EPB41L3: variants seen among roughly 807,000 people sequenced by gnomAD.
EPB41L3 encodes erythrocyte membrane protein band 4.1 like 3, also known as band 4.1-like protein 3.
In EPB41L3, 57 loss-of-function variants were observed where a neutral mutation model predicts 127.1. The observed-to-expected ratio is 0.45, with a 90% confidence interval of 0.36 to 0.56. EPB41L3 has a LOEUF of 0.56. Ranked by LOEUF, EPB41L3 falls within the 20% of genes least tolerant of loss-of-function variation. The pLI is 0.00. For synonymous variants in EPB41L3, 572 were observed against 549.5 expected, an observed-to-expected ratio of 1.04 and a Z score of -0.57; for missense variants, 1,273 against 1,372.2, an observed-to-expected ratio of 0.93 and a Z score of 1.14.
intron 3 of EPB41L3, among the ~76,000 whole-genome samples, chr18:5,604,993 A>C (rs1196416862): frequency 6.6e-6 from 1 of 152,110 alleles, no homozygotes; most frequent in African/African-American, 2.4e-5. Context: ...GCTGTCAACC[A>C]TCTGTGGGGA....
upstream of EPB41L3, among the ~76,000 whole-genome samples, chr18:5,546,061 G>T (rs976515528): frequency 3.9e-5 from 6 of 152,002 alleles, no homozygotes; most frequent in Non-Finnish European, 5.9e-5. Context: ...GACACAGATG[G>T]CTCCATATTT....
At chr18:5,421,949 G>T (rs569471146) in intron 11 of EPB41L3, among the ~76,000 whole-genome samples, 2 of 152,010 alleles carry the variant, frequency 1.3e-5, no homozygotes, top group South Asian at 4.2e-4. Context: ...GCCAAAAACC[G>T]ACTGCTTGTA....
intron 3 of EPB41L3, among the ~76,000 whole-genome samples, chr18:5,579,043 G>C (rs893070826): frequency 1.3e-5 from 2 of 152,092 alleles, no homozygotes; most frequent in African/African-American, 4.8e-5. Flanking sequence ...ATAAACTGCA[G>C]TATGTTTTAC....
At chr18:5,513,561 GTCTA>G (rs1288199114) in intron 1 of EPB41L3, among the ~76,000 whole-genome samples, 1 of 152,144 alleles carries the variant, frequency 6.6e-6, no homozygotes, top group Non-Finnish European at 1.5e-5. Context: ...GAGGGTAAGA[GTCTA>G]TCTCCTACAG....
intron 3 of EPB41L3, among the ~76,000 whole-genome samples, chr18:5,475,195 T>C (rs1031608526): frequency 1.3e-5 from 2 of 152,200 alleles, no homozygotes; most frequent in Non-Finnish European, 2.9e-5. Flanking sequence ...TCAAAGTCCA[T>C]TGTTCGTATT....
intron 3 of EPB41L3, among the ~76,000 whole-genome samples, chr18:5,602,619 T>C (rs951477662): frequency 1.3e-5 from 2 of 152,196 alleles, no homozygotes; most frequent in Non-Finnish European, 2.9e-5. Flanking sequence ...TAACTTTTTC[T>C]TTCCCCTGTA....
At chr18:5,399,300 A>G (rs775909733) in intron 16 of EPB41L3, 2 of 398,960 alleles carry the variant, frequency 5.0e-6, no homozygotes, top group Non-Finnish European at 8.8e-6. Context: ...GCTCACGGTC[A>G]CCACCTTGTA....
At chr18:5,449,008 T>G (rs1173962167) in intron 3 of EPB41L3, among the ~76,000 whole-genome samples, 1 of 152,178 alleles carries the variant, frequency 6.6e-6, no homozygotes, top group Non-Finnish European at 1.5e-5. Flanking sequence ...TTGTTAGGTG[T>G]TAGGAGATGT....
rs1233637096 is a variant in EPB41L3, at chr18:5,511,075, T to C, written c.-11-21881A>G. On this transcript the variant is annotated intron_variant, in intron 1 of 22. Transcript: ENST00000341928. Reference sequence around the variant, plus strand: ...TATTCCAGAAACTCTGGAATACCTGTTATGCAGTGAAAGAGCAAAGAACAA... The same window carrying C: ...TATTCCAGAAACTCTGGAATACCTGCTATGCAGTGAAAGAGCAAAGAACAA... Among the ~76,000 whole-genome samples the C allele has an allele frequency of 3.3e-5, 5 of 152,152 alleles. No homozygotes were observed. The East Asian group carries it at 9.7e-4, about 29-fold the overall frequency.
chr18:5,495,388 T>A (rs2091053169), intron 1 of EPB41L3, among the ~76,000 whole-genome samples: 1 of 142,822 alleles, frequency 7.0e-6, no homozygotes, highest in Non-Finnish European at 1.5e-5. Context: ...TACAAATCAG[T>A]ATTGGAAACT....
intron 3 of EPB41L3, among the ~76,000 whole-genome samples, chr18:5,553,021 T>G (rs1353002089): frequency 1.3e-5 from 2 of 152,152 alleles, no homozygotes; most frequent in African/African-American, 4.8e-5. Flanking sequence ...TATACTCCAA[T>G]GAGAACACAT....
upstream of EPB41L3, chr18:5,544,174 G>A (rs1334090889): frequency 5.1e-6 from 5 of 985,414 alleles, no homozygotes; most frequent in Middle Eastern, 5.2e-4. Flanking sequence ...GGCCACCGCA[G>A]TACTTCAGGA....
chr18:5,598,168 T>C (rs1036826762), intron 3 of EPB41L3, among the ~76,000 whole-genome samples: 2 of 152,144 alleles, frequency 1.3e-5, no homozygotes, highest in African/African-American at 4.8e-5. Context: ...GTCAAAGAAT[T>C]GCCCGAAAAG....
At chr18:5,594,394 A>T (rs2094517158) in intron 3 of EPB41L3, among the ~76,000 whole-genome samples, 1 of 152,206 alleles carries the variant, frequency 6.6e-6, no homozygotes, top group Admixed American at 6.5e-5. Context: ...CACAAAGTAA[A>T]GTTATTGAAT....
chr18:5,505,724 C>CCCT (rs2092120232), intron 1 of EPB41L3, among the ~76,000 whole-genome samples: 1 of 139,390 alleles, frequency 7.2e-6, no homozygotes, highest in African/African-American at 2.7e-5. Flanking sequence ...TTCACCTCCA[C>CCCT]CCCTACCATC....
chr18:5,535,794 A>G (rs964161546), intron 1 of EPB41L3, among the ~76,000 whole-genome samples: 3 of 152,250 alleles, frequency 2.0e-5, no homozygotes, highest in Non-Finnish European at 4.4e-5. Flanking sequence ...ATAACAGAGC[A>G]GCCCACATCC....
chr18:5,582,698 CT>C (rs1385103008), intron 3 of EPB41L3, among the ~76,000 whole-genome samples: 1 of 152,152 alleles, frequency 6.6e-6, no homozygotes, highest in Non-Finnish European at 1.5e-5. Context: ...ACTGAGTCCC[CT>C]ATGGCTAAGT....
chr18:5,571,268 C>G (rs1312839918), intron 3 of EPB41L3, among the ~76,000 whole-genome samples: 1 of 152,156 alleles, frequency 6.6e-6, no homozygotes, highest in East Asian at 1.9e-4. Context: ...AATACATTGG[C>G]CTGCCTATTA....
intron 3 of EPB41L3, among the ~76,000 whole-genome samples, chr18:5,607,072 A>G (rs900961393): frequency 6.6e-6 from 1 of 152,222 alleles, no homozygotes; most frequent in Non-Finnish European, 1.5e-5. Flanking sequence ...CAGATTTATT[A>G]TTAGTAACAC....
Sources: gnomAD v4.1 joint callset for allele counts (sites outside exome capture counted in the v4.1 genomes callset) on GRCh38, gnomAD v4.1.1 for gene constraint, MANE v1.5 for transcripts, NCBI Gene and HGNC (gene_info 2026-07-23, HGNC 2026-07-21) for gene names.